Variants in EEPD1 observed in about 807,000 individuals in gnomAD.
EEPD1 encodes endonuclease/exonuclease/phosphatase family domain containing 1, also known as endonuclease/exonuclease/phosphatase family domain-containing protein 1.
A neutral mutation model predicts 46.3 loss-of-function variants in EEPD1; 17 were observed. The ratio of observed to expected loss-of-function variants is 0.37; its 90% CI spans 0.25 to 0.55. EEPD1 has a LOEUF of 0.55. Ranked by LOEUF, EEPD1 falls within the 20% of genes least tolerant of loss-of-function variation. The pLI is 0.83. For synonymous variants in EEPD1, 313 were observed against 315.6 expected, an observed-to-expected ratio of 0.99 and a Z score of 0.09; for missense variants, 673 against 745.6, an observed-to-expected ratio of 0.90 and a Z score of 1.13.
At chr7:36,287,919 C>T (rs1249459272) in intron 6 of EEPD1, 142 bp downstream of exon 6, 1 of 1,202,522 alleles carries the variant, frequency 8.3e-7, no homozygotes, top group Non-Finnish European at 1.2e-6. Context: ...AAACCTCTGG[C>T]ATCTCATGGA....
intron 5 of EEPD1, among the ~76,000 whole-genome samples, chr7:36,286,744 A>G (rs1787347643): frequency 6.6e-6 from 1 of 152,180 alleles, no homozygotes; most frequent in African/African-American, 2.4e-5. Flanking sequence ...GAGGAGGCAC[A>G]TCCCAGCGGT....
intron 2 of EEPD1, among the ~76,000 whole-genome samples, chr7:36,172,363 C>A (rs1583785979): frequency 6.6e-6 from 1 of 152,192 alleles, no homozygotes; most frequent in East Asian, 1.9e-4. Context: ...TTCATAGAAA[C>A]CCAAGAGGAC....
intron 2 of EEPD1, among the ~76,000 whole-genome samples, chr7:36,173,144 G>A: frequency 6.6e-6 from 1 of 151,944 alleles, no homozygotes; most frequent in Non-Finnish European, 1.5e-5. Flanking sequence ...CCTGGTGGGA[G>A]GGGTTTGAAT....
chr7:36,300,773 G>T lies in EEPD1; in HGVS notation c.*1567G>T, dbSNP rs951022063. The T allele has an allele frequency of 6.6e-6, 1 of 152,218 alleles. No homozygotes were observed. Among genetic ancestry groups the T allele is most frequent in the Non-Finnish European group, 1.5e-5 (1 of 68,040 alleles). 9.4% of individuals were successfully genotyped at this position (152,218 alleles called of 1,614,324 possible). ...ATCGCTGGTCTTGGGGACGGGAAGG[G>T]AACCCTCTTCCAGGAGCTCTAAGGG... On this transcript the variant is annotated 3_prime_UTR_variant, in exon 8 of 8. Coordinates refer to ENST00000242108, the MANE Select transcript of EEPD1 (RefSeq NM_030636.3).
chr7:36,207,245 G>A (rs1026281140), intron 2 of EEPD1, among the ~76,000 whole-genome samples: 1 of 152,168 alleles, frequency 6.6e-6, no homozygotes, highest in Admixed American at 6.5e-5. Context: ...ATGGTAGTGG[G>A]AATATGAGTG....
At chr7:36,287,236 CA>C (rs377318198) in intron 5 of EEPD1, among the ~76,000 whole-genome samples, 448 of 42,136 alleles carry the variant, frequency 0.011, 1 homozygote, top group Middle Eastern at 0.071. Context: ...GACTCCTTCT[CA>C]AAAAAAAAAA....
At chr7:36,277,939 C>T (rs1159001485) in intron 3 of EEPD1, among the ~76,000 whole-genome samples, 1 of 151,988 alleles carries the variant, frequency 6.6e-6, no homozygotes, top group Non-Finnish European at 1.5e-5. Context: ...GCTCCTAGAG[C>T]TTACCTGTGA....
At chr7:36,210,253 A>T (rs1785903703) in intron 2 of EEPD1, among the ~76,000 whole-genome samples, 1 of 152,138 alleles carries the variant, frequency 6.6e-6, no homozygotes. Context: ...GGGTTTTTTG[A>T]GTGATTTGAA....
intron 2 of EEPD1, among the ~76,000 whole-genome samples, chr7:36,165,350 GTCTGTGAAAGTCCAC>G (rs1211225324): frequency 2.0e-5 from 3 of 150,336 alleles, no homozygotes; most frequent in Non-Finnish European, 4.4e-5. Context: ...TAGCATCTAG[GTCTGTGAAAGTCCAC>G]TCTGTGAAGT....
chr7:36,251,150 C>A (rs1275687284), intron 3 of EEPD1, among the ~76,000 whole-genome samples: 1 of 152,138 alleles, frequency 6.6e-6, no homozygotes, highest in Non-Finnish European at 1.5e-5. Flanking sequence ...ATCTATGCTC[C>A]CATTCTTAAT....
chr7:36,159,855 C>T (rs535999398), intron 2 of EEPD1, among the ~76,000 whole-genome samples: 1 of 152,312 alleles, frequency 6.6e-6, no homozygotes, highest in Admixed American at 6.5e-5. Flanking sequence ...TGACCTTGGG[C>T]CTGACTCCAA....
chr7:36,196,312 A>G (rs1450805303), intron 2 of EEPD1, among the ~76,000 whole-genome samples: 1 of 151,958 alleles, frequency 6.6e-6, no homozygotes, highest in African/African-American at 2.4e-5. Flanking sequence ...TTTTTTTTAA[A>G]GTAACTGCTG....
intron 2 of EEPD1, among the ~76,000 whole-genome samples, chr7:36,231,451 G>A (rs1319567181): frequency 6.6e-6 from 1 of 152,122 alleles, no homozygotes; most frequent in Non-Finnish European, 1.5e-5. Context: ...ATCTGCTTGG[G>A]GCTGTGCTGT....
intron 3 of EEPD1, among the ~76,000 whole-genome samples, chr7:36,259,347 A>G (rs1428144566): frequency 6.6e-6 from 1 of 152,094 alleles, no homozygotes; most frequent in African/African-American, 2.4e-5. Context: ...ACTTAGTTCA[A>G]ATTTATACTC....
Position 36,273,055 on chromosome 7 carries a change from G to A in EEPD1, c.931-8060G>A, listed in dbSNP as rs137928351. Among the ~76,000 whole-genome samples, 104 of 152,156 alleles carry A rather than the reference G, an allele frequency of 6.8e-4. No individual in the cohort carries two copies. The East Asian group carries it at 0.018, about 26-fold the overall frequency. On this transcript the variant is annotated intron_variant, in intron 3 of 7. Transcript: ENST00000242108. ...CTATGTGACCCGAGGCATCAGTGAC[G>A]AAATTGACCTCAGCAGGGTGGTGAC...
chr7:36,173,020 G>T (rs1431797869), intron 2 of EEPD1, among the ~76,000 whole-genome samples: 2 of 152,100 alleles, frequency 1.3e-5, no homozygotes, highest in Non-Finnish European at 2.9e-5. Context: ...GCTAGTGTCT[G>T]ATGCTTGGTT....
intron 2 of EEPD1, among the ~76,000 whole-genome samples, chr7:36,177,432 T>C (rs185709045): frequency 1.3e-5 from 2 of 152,296 alleles, no homozygotes; most frequent in East Asian, 3.9e-4. Flanking sequence ...CCCTCCCTTC[T>C]AGTAGTCCCC....
intron 3 of EEPD1, among the ~76,000 whole-genome samples, chr7:36,260,762 C>T (rs1234336026): frequency 6.6e-6 from 1 of 152,104 alleles, no homozygotes; most frequent in African/African-American, 2.4e-5. Flanking sequence ...AGTAAATTTC[C>T]CCCAGTCTTT....
chr7:36,242,065 G>A (rs538346423), intron 3 of EEPD1, among the ~76,000 whole-genome samples: 2 of 152,340 alleles, frequency 1.3e-5, no homozygotes, highest in East Asian at 3.9e-4. Flanking sequence ...TGAGGCTGCG[G>A]CGGAGCAGAC....
Sources: gnomAD v4.1 joint callset for allele counts (sites outside exome capture counted in the v4.1 genomes callset) on GRCh38, gnomAD v4.1.1 for gene constraint, MANE v1.5 for transcripts, NCBI Gene and HGNC (gene_info 2026-07-23, HGNC 2026-07-21) for gene names.